RRP7A: variants seen among roughly 807,000 people sequenced by gnomAD.
RRP7A encodes the protein ribosomal RNA processing 7 homolog A, also known as ribosomal RNA-processing protein 7 homolog A.
Under a neutral mutation model 38.4 loss-of-function variants are expected in RRP7A, and 27 were observed. The ratio of observed to expected loss-of-function variants is 0.70; its 90% CI spans 0.52 to 0.97. The LOEUF (loss-of-function observed/expected upper bound fraction) is 0.97, where lower values mean the gene tolerates loss of function less well. Among genes scored for constraint, RRP7A ranks in the 50% least tolerant of loss-of-function variants. RRP7A has a pLI of 0.00. For synonymous variants in RRP7A, 124 were observed against 150.3 expected (o/e 0.83, Z 1.28); for missense variants, 327 against 375.4 (o/e 0.87, Z 1.07).
chr22:42,514,600 A>G, intron 5 of RRP7A, 82 bp downstream of exon 5: 1 of 1,210,028 alleles, frequency 8.3e-7, no homozygotes, highest in Non-Finnish European at 1.2e-6. Flanking sequence ...AGGACAGGCC[A>G]CCACTGCCCT....
At chr22:42,517,458 AAC>A (rs1181578057) in intron 2 of RRP7A, among the ~76,000 whole-genome samples, 1 of 152,106 alleles carries the variant, frequency 6.6e-6, no homozygotes, top group Non-Finnish European at 1.5e-5. Context: ...TCTGGAAGAA[AAC>A]ACGTAATTCA....
Position 42,510,143 on chromosome 22 carries a change from T to A in RRP7A, c.*2767A>T, listed in dbSNP as rs967573647. ...CCAAGCCCGGCTAATTTTTGTATTT[T>A]TAGTACAGACAGGGTTTCACCATGT... On this transcript the variant is annotated 3_prime_UTR_variant, in exon 7 of 7. Transcript: ENST00000323013. 1 of 152,282 alleles carries A rather than the reference T, an allele frequency of 6.6e-6. No individual in the cohort carries two copies. The highest frequency in any genetic ancestry group is 2.1e-4 in the South Asian group (1 of 4,828). The allele number at this position is 152,282 out of a possible 1,614,324, so 9.4% of individuals were successfully genotyped here. A position where few individuals can be genotyped will look rare whatever the true frequency, so the allele number is the denominator to read the frequency against.
In RRP7A at chr22:42,519,783, C is replaced by T; in HGVS notation, c.4G>A (p.Val2Met). 2 of 1,439,524 alleles carry T rather than the reference C, an allele frequency of 1.4e-6. 1 individual carries two copies. Among genetic ancestry groups the T allele is most frequent in the South Asian group, 2.7e-5 (2 of 73,200 alleles). 89.2% of individuals were successfully genotyped at this position (1,439,524 alleles called of 1,614,324 possible). Residue 2 changes from valine to methionine, a missense_variant, in exon 1 of 7, where the codon GTG (valine) becomes ATG (methionine). Transcript: ENST00000323013. MVARRRKCAARD... is the reference protein window; with the variant it reads MMARRRKCAARD... The stretch of plus-strand genomic sequence containing the variant: ...GCGGCGCACTTCCTCCTGCGCGCCA[C>T]CATCTTGCCACCCGGGAGCGCGGGG...
chr22:42,509,982 T>G lies in RRP7A; in HGVS notation c.*2928A>C, dbSNP rs1932403183. On this transcript the variant is annotated 3_prime_UTR_variant, in exon 7 of 7. Coordinates refer to ENST00000323013, the MANE Select transcript of RRP7A (RefSeq NM_015703.5). ...TTGTAGACTTTTTTTTTTTTTTTTT[T>G]GAGATGGAGTCTGGCTCTGTCGCCC... The G allele has an allele frequency of 8.1e-6, 1 of 122,742 alleles. No individual in the cohort carries two copies. The highest frequency in any genetic ancestry group is 1.7e-5 in the Non-Finnish European group (1 of 57,694). The allele number at this position is 122,742 out of a possible 1,614,324, so 7.6% of individuals were successfully genotyped here. A position where few individuals can be genotyped will look rare whatever the true frequency, so the allele number is the denominator to read the frequency against.
chr22:42,517,241 C>G (rs1420870511), intron 2 of RRP7A, among the ~76,000 whole-genome samples: 4 of 150,010 alleles, frequency 2.7e-5, no homozygotes, highest in African/African-American at 9.8e-5. Context: ...ACGCTGTGCT[C>G]CAGCCTGAGC....
At position 42,510,870 on chromosome 22, in the gene RRP7A, T is replaced by G. The variant is rs1932437377; in HGVS notation, c.*2040A>C. 1 of 976,930 alleles carries G rather than the reference T, an allele frequency of 1.0e-6. No individual in the cohort carries two copies. The highest frequency in any genetic ancestry group is 3.1e-5 in the South Asian group (1 of 32,446). 60.5% of individuals were successfully genotyped at this position (976,930 alleles called of 1,614,324 possible). A position where few individuals can be genotyped will look rare whatever the true frequency, so the allele number is the denominator to read the frequency against. On this transcript the variant is annotated 3_prime_UTR_variant, in exon 7 of 7. Transcript: ENST00000323013. The stretch of plus-strand genomic sequence containing the variant: ...CACCAGGATCTATCAGGCCTCATGC[T>G]CCAGTGATCAGTCCCTAGAGGCCTG...
In RRP7A at chr22:42,519,763, G is replaced by T. The variant is rs768363450; in HGVS notation, c.24C>A (p.Cys8Ter). Reference protein sequence around the residue: MVARRRKCAARDPEDRIP... With the variant: MVARRRK ...TACGGTCCTCCGGGTCCCGCGCGGC[G>T]CACTTCCTCCTGCGCGCCACCATCT... Residue 8 changes from cysteine (C) to a stop codon, truncating the protein, a stop_gained, in exon 1 of 7, where the codon TGC becomes TGA. Coordinates refer to ENST00000323013, the MANE Select transcript of RRP7A (RefSeq NM_015703.5). LOFTEE classifies it high-confidence loss of function. 4.8e-6 allele frequency: 7 copies of T among 1,451,186 alleles called. No homozygotes were observed. The highest frequency in any genetic ancestry group is 9.1e-7 in the Non-Finnish European group (1 of 1,103,292). The allele number at this position is 1,451,186 out of a possible 1,614,324, so 89.9% of individuals were successfully genotyped here.
chr22:42,515,866 C>G, intron 3 of RRP7A, 145 bp downstream of exon 3: 2 of 1,080,618 alleles, frequency 1.9e-6, no homozygotes, highest in Non-Finnish European at 2.6e-6. Flanking sequence ...GGCTTTGTCA[C>G]CCAGACAGTC....
Position 42,512,472 on chromosome 22 carries a change from C to G in RRP7A, c.*438G>C, listed in dbSNP as rs1932497799. 1.7e-6 allele frequency: 1 copy of G among 574,390 alleles called. No homozygotes were observed. The highest frequency in any genetic ancestry group is 3.1e-6 in the Non-Finnish European group (1 of 325,118). The allele number at this position is 574,390 out of a possible 1,614,324, so 35.6% of individuals were successfully genotyped here. The stretch of plus-strand genomic sequence containing the variant: ...CTGTCTCCTGGCTAATAATCTCCAG[C>G]CAGCTGGAGGAAGGAAGGGCGGGCT... On this transcript the variant is annotated 3_prime_UTR_variant, in exon 7 of 7. Transcript: ENST00000323013.
Position 42,510,275 on chromosome 22 carries a change from T to A in RRP7A, c.*2635A>T, listed in dbSNP as rs1300340459. 1.3e-5 allele frequency: 2 copies of A among 154,598 alleles called. No individual in the cohort carries two copies. Among genetic ancestry groups the A allele is most frequent in the Non-Finnish European group, 2.9e-5 (2 of 69,658 alleles). The allele number at this position is 154,598 out of a possible 1,614,324, so 9.6% of individuals were successfully genotyped here. A position where few individuals can be genotyped will look rare whatever the true frequency, so the allele number is the denominator to read the frequency against. On this transcript the variant is annotated 3_prime_UTR_variant, in exon 7 of 7. Coordinates refer to ENST00000323013, the MANE Select transcript of RRP7A (RefSeq NM_015703.5). ...CCATACCCGGCCAGGATTGTAGACT[T>A]TCAATGGGAGGATTGTGAAGACATA...
intron 6 of RRP7A, 49 bp from the exon 7 acceptor site, chr22:42,513,044 G>T (rs1932520172): frequency 1.3e-6 from 2 of 1,528,356 alleles, no homozygotes; most frequent in Non-Finnish European, 9.0e-7. Context: ...GCGCCCCGGG[G>T]AAGCTGGCTT....
At position 42,510,572 on chromosome 22, in the gene RRP7A, C is replaced by G. The variant is rs1399202450; in HGVS notation, c.*2338G>C. 1.6e-6 allele frequency: 1 copy of G among 641,104 alleles called. No homozygotes were observed. The highest frequency in any genetic ancestry group is 1.9e-5 in the African/African-American group (1 of 53,046). The allele number at this position is 641,104 out of a possible 1,614,324, so 39.7% of individuals were successfully genotyped here. On this transcript the variant is annotated 3_prime_UTR_variant, in exon 7 of 7. Coordinates refer to ENST00000323013, the MANE Select transcript of RRP7A (RefSeq NM_015703.5). ...GCCTGAACCCAGGGCAGGATGGGGG[C>G]ACCGCTGGGAGGCGGTTCTAAGATG...
At position 42,512,977 on chromosome 22, in the gene RRP7A, T is replaced by C. The variant is rs544010371; in HGVS notation, c.776A>G (p.Lys259Arg). The C allele has an allele frequency of 9.4e-5, 151 of 1,612,994 alleles. 3 individuals carry two copies. In the South Asian group the frequency reaches 1.6e-3, roughly 18 times the overall value. ...CCTCTGCTTGTCCTCCTCGAACTTCTTGCGCAGCTGCGCTAGATCTGGGGG... is the reference window on the plus strand; with the variant it reads ...CCTCTGCTTGTCCTCCTCGAACTTCCTGCGCAGCTGCGCTAGATCTGGGGG... ...SKMEHLAQLR[K>R]KFEEDKQRIE... The change falls in exon 7 of 7, where the codon AAG (lysine) becomes AGG (arginine). Residue 259 changes from lysine to arginine, a missense_variant. By Grantham distance (26) the Lys-to-Arg change is conservative. Coordinates refer to ENST00000323013, the MANE Select transcript of RRP7A (RefSeq NM_015703.5).
intron 2 of RRP7A, 127 bp from the exon 3 acceptor site, chr22:42,516,263 AAGCCGGGAGAC>A (rs1920929428): frequency 1.5e-6 from 2 of 1,311,398 alleles, no homozygotes; most frequent in African/African-American, 2.9e-5. Context: ...ACATCTGCCC[AAGCCGGGAGAC>A]TGTGGGCACC....
chr22:42,509,781 A>G lies in RRP7A; in HGVS notation c.*3129T>C, dbSNP rs117432955. 0.047 allele frequency among the ~76,000 whole-genome samples: 5,609 copies of G among 120,436 alleles called. 134 individuals carry two copies. The highest frequency in any genetic ancestry group is 0.073 in the Admixed American group (789 of 10,756). 79.0% of individuals were successfully genotyped at this position (120,436 alleles called of 152,430 possible). On this transcript the variant is annotated 3_prime_UTR_variant, in exon 7 of 7. Transcript: ENST00000323013. ...GCATTCACGTTCAAGTCCAAATAGGACACACGGCAGAGACAAAGCCAGGTC... is the reference window on the plus strand; with the variant it reads ...GCATTCACGTTCAAGTCCAAATAGGGCACACGGCAGAGACAAAGCCAGGTC...
chr22:42,512,880 C>A lies in RRP7A; in HGVS notation c.*30G>T. On this transcript the variant is annotated 3_prime_UTR_variant, in exon 7 of 7. Transcript: ENST00000323013. ...TGCCTCGCCTCCTCCTGGCCCTGCACCTCCAGCCATTCACTGCGGCTCTCA... is the reference window on the plus strand; with the variant it reads ...TGCCTCGCCTCCTCCTGGCCCTGCAACTCCAGCCATTCACTGCGGCTCTCA... 1 of 1,606,696 alleles carries A rather than the reference C, an allele frequency of 6.2e-7. No individual in the cohort carries two copies. The highest frequency in any genetic ancestry group is 8.5e-7 in the Non-Finnish European group (1 of 1,174,610).
Position 42,516,039 on chromosome 22 carries a change from G to T in RRP7A, c.314C>A (p.Ser105Ter). ...DLAESPKESR[S>*]KFFHPKPVPG... Reference sequence around the variant, plus strand: ...AACTGGCTTGGGATGAAAAAACTTCGACCTTGACTCCTTTGGGCTCTCAGC... The same window carrying T: ...AACTGGCTTGGGATGAAAAAACTTCTACCTTGACTCCTTTGGGCTCTCAGC... Residue 105 changes from serine to a stop codon, truncating the protein, a stop_gained, in exon 3 of 7, where the codon TCG becomes TAG. Coordinates refer to ENST00000323013, the MANE Select transcript of RRP7A (RefSeq NM_015703.5). LOFTEE classifies it high-confidence loss of function. 2 of 1,606,112 alleles carry T rather than the reference G, an allele frequency of 1.2e-6. No homozygotes were observed. The highest frequency in any genetic ancestry group is 2.2e-5 in the South Asian group (2 of 90,510).
Position 42,516,027 on chromosome 22 carries a change from T to A in RRP7A, c.326A>T (p.His109Leu). Residue 109 changes from histidine (H) to leucine (L), a missense_variant, in exon 3 of 7, where the codon CAT becomes CTT. Physicochemically the swap from His to Leu is moderately conservative, Grantham distance 99 (BLOSUM62 -3). Transcript: ENST00000323013. ...SPKESRSKFFHPKPVPGFQVA... is the reference protein window; with the variant it reads ...SPKESRSKFFLPKPVPGFQVA... ...GCGGCTCACCGGAACTGGCTTGGGA[T>A]GAAAAAACTTCGACCTTGACTCCTT... 1 of 1,603,504 alleles carries A rather than the reference T, an allele frequency of 6.2e-7. No homozygotes were observed. The highest frequency in any genetic ancestry group is 8.5e-7 in the Non-Finnish European group (1 of 1,173,216).
chr22:42,517,903 C>G lies in RRP7A; in HGVS notation c.216+102G>C, dbSNP rs1019339573. 50 of 1,346,708 alleles carry G rather than the reference C, an allele frequency of 3.7e-5. No individual in the cohort carries two copies. The African/African-American group carries it at 6.5e-4, about 17-fold the overall frequency. 83.4% of individuals were successfully genotyped at this position (1,346,708 alleles called of 1,614,324 possible). ...GCCCTCCTGACACTCTCCTCTGGGG[C>G]TCCCATTAGCTGTGTCCGTCTCACC... On this transcript the variant is annotated intron_variant, in intron 2 of 6. Coordinates refer to ENST00000323013, the MANE Select transcript of RRP7A (RefSeq NM_015703.5).
Sources: allele counts gnomAD v4.1 joint callset (sites outside exome capture counted in the v4.1 genomes callset), GRCh38; gene constraint gnomAD v4.1.1; transcripts MANE v1.5; gene names NCBI Gene and HGNC (gene_info 2026-07-23, HGNC 2026-07-21).